Variants in PATJ observed in about 807,000 individuals in gnomAD.
PATJ encodes inaD-like protein.
In PATJ, 190 loss-of-function variants were observed where a neutral mutation model predicts 224.9. That is an observed-to-expected ratio of 0.84 (90% CI 0.75 to 0.95). PATJ has a LOEUF of 0.95. Among genes scored for constraint, PATJ ranks in the 40% least tolerant of loss-of-function variants. The probability of loss-of-function intolerance (pLI) is 0.00; values close to 1 mark genes in which losing one functional copy is unlikely to be tolerated. For missense variants in PATJ, 2,121 were observed against 2,270.3 expected (o/e 0.93, Z 1.34); for synonymous variants, 769 against 820.3 (o/e 0.94, Z 1.07).
rs558185675 is a variant in PATJ, at chr1:61,840,077, C to G, written c.2112+6292C>G. The stretch of plus-strand genomic sequence containing the variant: ...TAAAAGAGGAAATGGGTTATAAAAC[C>G]AAAATATAAAATATTGCAGTGTTAC... On this transcript the variant is annotated intron_variant, in intron 17 of 43. Transcript: ENST00000642238. 3.8e-4 allele frequency among the ~76,000 whole-genome samples: 58 copies of G among 151,468 alleles called. 1 individual carries two copies. In the South Asian group the frequency reaches 0.011, roughly 30 times the overall value.
intron 30 of PATJ, among the ~76,000 whole-genome samples, chr1:62,041,911 C>T (rs187659129): frequency 8.6e-5 from 13 of 152,024 alleles, no homozygotes; most frequent in South Asian, 2.1e-4. Context: ...GGCGTGAACC[C>T]GGGAGGCGGA....
chr1:62,095,328 T>C (rs1000651181), intron 33 of PATJ, among the ~76,000 whole-genome samples: 2 of 152,232 alleles, frequency 1.3e-5, no homozygotes, highest in African/African-American at 4.8e-5. Context: ...CTTAATCTTT[T>C]GCTTCTCATG....
intron 17 of PATJ, among the ~76,000 whole-genome samples, chr1:61,838,514 C>G (rs1328998780): frequency 2.0e-5 from 3 of 147,488 alleles, no homozygotes; most frequent in Non-Finnish European, 4.5e-5. Context: ...GCTACCACGC[C>G]TGGCTAATTT....
intron 27 of PATJ, among the ~76,000 whole-genome samples, chr1:61,951,147 C>A (rs1679602583): frequency 6.6e-6 from 1 of 150,984 alleles, no homozygotes; most frequent in African/African-American, 2.4e-5. Flanking sequence ...AAAAAGCGCA[C>A]CTCTGCACTT....
intron 27 of PATJ, among the ~76,000 whole-genome samples, chr1:61,987,868 C>T (rs1644847421): frequency 6.6e-6 from 1 of 152,144 alleles, no homozygotes; most frequent in Admixed American, 6.5e-5. Flanking sequence ...AATTCCAAAA[C>T]ATCTTTTCTA....
At chr1:62,013,869 GT>G (rs1646604968) in intron 28 of PATJ, among the ~76,000 whole-genome samples, 1 of 152,046 alleles carries the variant, frequency 6.6e-6, no homozygotes. Flanking sequence ...TGTTTCCCAG[GT>G]TCAAGTGATT....
At position 62,073,860 on chromosome 1, in the gene PATJ, A is replaced by G. The variant is rs575538068; in HGVS notation, c.4126-5590A>G. ...CTGAGAGCACCATGTCTTACACAAT[A>G]TTAGAAATAAAAATTACAAATGGAA... is the stretch of plus-strand genomic sequence containing the variant. On this transcript the variant is annotated intron_variant, in intron 31 of 43. Transcript: ENST00000642238. 2.6e-5 allele frequency among the ~76,000 whole-genome samples: 4 copies of G among 152,294 alleles called. No homozygotes were observed. In the East Asian group the frequency reaches 5.8e-4, roughly 22 times the overall value.
At position 61,864,569 on chromosome 1, in the gene PATJ, C is replaced by T; in HGVS notation, c.2771C>T (p.Ala924Val). The T allele has an allele frequency of 6.2e-7, 1 of 1,611,812 alleles. No homozygotes were observed. ...AATGAACCATCCGAGTCTCAAGAGG[C>T]AAGAACCGGGAGGACTGTCTATTCC... ...HDNEPSESQE[A>V]RTGRTVYSQE... The change falls in exon 20 of 44, where the codon GCA becomes GTA. Residue 924 changes from alanine (A) to valine (V), a missense_variant. Transcript: ENST00000642238.
chr1:61,802,695 A>C (rs112818657), intron 12 of PATJ, among the ~76,000 whole-genome samples: 27 of 152,268 alleles, frequency 1.8e-4, no homozygotes, highest in African/African-American at 6.3e-4. Flanking sequence ...ATGCATTTCT[A>C]TAAGTTGCAT....
intron 27 of PATJ, among the ~76,000 whole-genome samples, chr1:61,938,975 T>C (rs1677321675): frequency 6.6e-6 from 1 of 151,414 alleles, no homozygotes; most frequent in Non-Finnish European, 1.5e-5. Flanking sequence ...AAAAAAAAAT[T>C]AGCCAGGCGT....
intron 21 of PATJ, among the ~76,000 whole-genome samples, chr1:61,878,513 A>G (rs1667644352): frequency 1.3e-5 from 2 of 152,152 alleles, no homozygotes; most frequent in African/African-American, 4.8e-5. Flanking sequence ...AATTTGTTCA[A>G]GATGAATGCA....
intron 17 of PATJ, among the ~76,000 whole-genome samples, chr1:61,840,095 A>T (rs1053738803): frequency 6.6e-6 from 1 of 152,042 alleles, no homozygotes; most frequent in Non-Finnish European, 1.5e-5. Context: ...AAAATATTGC[A>T]GTGTTACTGA....
At position 61,939,676 on chromosome 1, in the gene PATJ, C is replaced by CTTTTTTTTTT. The variant is rs71050183; in HGVS notation, c.3670+11864_3670+11873dup. Reference sequence around the variant, plus strand: ...AGCATGTATAAAAAGTTTCTATGTGCTTTTTTTTTTTTTTTTTTTTTTTTT... The same window carrying CTTTTTTTTTT: ...AGCATGTATAAAAAGTTTCTATGTGCTTTTTTTTTTTTTTTTTTTTTTTTTTTTTTTTTTT... On this transcript the variant is annotated intron_variant, in intron 27 of 43. Coordinates refer to ENST00000642238, the MANE Select transcript of PATJ (RefSeq NM_001350145.3). Among the ~76,000 whole-genome samples, 33 of 58,876 alleles carry CTTTTTTTTTT rather than the reference C, an allele frequency of 5.6e-4. 9 individuals carry two copies. Among genetic ancestry groups the CTTTTTTTTTT allele is most frequent in the African/African-American group, 2.7e-3 (29 of 10,684 alleles). 38.6% of individuals were successfully genotyped at this position (58,876 alleles called of 152,430 possible). A position where few individuals can be genotyped will look rare whatever the true frequency, so the allele number is the denominator to read the frequency against.
intron 6 of PATJ, among the ~76,000 whole-genome samples, chr1:61,774,368 G>C (rs982576585): frequency 4.6e-5 from 7 of 152,146 alleles, no homozygotes; most frequent in Non-Finnish European, 8.8e-5. Context: ...TCTGCAGGTG[G>C]ATTATGTGAA....
chr1:61,988,711 A>G (rs181360980), intron 27 of PATJ, among the ~76,000 whole-genome samples: 61 of 152,214 alleles, frequency 4.0e-4, no homozygotes, highest in Admixed American at 1.4e-3. Context: ...TTATTCTTTT[A>G]TTATAAATTT....
intron 28 of PATJ, among the ~76,000 whole-genome samples, chr1:62,015,015 G>A (rs993473037): frequency 7.2e-5 from 11 of 152,184 alleles, no homozygotes; most frequent in African/African-American, 2.4e-4. Context: ...GAATAGAAAC[G>A]TATGCCGGGC....
At chr1:61,748,648 T>C (rs191100205) in intron 1 of PATJ, among the ~76,000 whole-genome samples, 4 of 152,298 alleles carry the variant, frequency 2.6e-5, no homozygotes, top group African/African-American at 9.6e-5. Flanking sequence ...TTTTTCAGTC[T>C]TCTCAGAACT....
rs774678581 is a variant in PATJ at position 61,808,474 on chromosome 1, G to T, written c.1627G>T (p.Val543Phe). The T allele has an allele frequency of 5.6e-6, 9 of 1,597,538 alleles. No homozygotes were observed. The Admixed American group carries it at 1.4e-4, about 24-fold the overall frequency. Residue 543 changes from valine (V) to phenylalanine (F), a missense_variant and splice_region_variant, in exon 14 of 44, where the codon GTT becomes TTT. Coordinates refer to ENST00000642238, the MANE Select transcript of PATJ (RefSeq NM_001350145.3). ...CTGGAAATTTTTTTTGTAAATTTAG[G>T]TTGCTACTTTGGACACACAGATTGC... ...NLLGPDYEVMVATLDTQIADD... is the reference protein window; with the variant it reads ...NLLGPDYEVMFATLDTQIADD...
At chr1:61,886,364 C>T (rs959676594) in intron 22 of PATJ, among the ~76,000 whole-genome samples, 1 of 152,106 alleles carries the variant, frequency 6.6e-6, no homozygotes, top group Non-Finnish European at 1.5e-5. Flanking sequence ...CTAATAGGGT[C>T]AATGTAGATA....
Sources: gnomAD v4.1 joint callset for allele counts (sites outside exome capture counted in the v4.1 genomes callset) on GRCh38, gnomAD v4.1.1 for gene constraint, MANE v1.5 for transcripts, NCBI Gene and HGNC (gene_info 2026-07-23, HGNC 2026-07-21) for gene names.